EVC2: variants seen among roughly 807,000 people sequenced by gnomAD.
EVC2 encodes the protein limbin.
In EVC2, 148 loss-of-function variants were observed where a neutral mutation model predicts 149.3. That is an observed-to-expected ratio of 0.99 (90% CI 0.87 to 1.14). The LOEUF is 1.14. EVC2 is among the 50% of genes most tolerant of loss of function. The pLI, the probability that EVC2 is intolerant of heterozygous loss-of-function variation, is 0.00. For synonymous variants in EVC2, 776 were observed against 649.9 expected (o/e 1.19, Z -2.95); for missense variants, 1,854 against 1,627.3 (o/e 1.14, Z -2.40).
rs564736376 is a variant in EVC2, at chr4:5,592,245, G to T, written c.2830-7395C>A. 1.4e-3 allele frequency among the ~76,000 whole-genome samples: 220 copies of T among 152,290 alleles called. 1 individual carries two copies. Among genetic ancestry groups the T allele is most frequent in the African/African-American group, 4.7e-3 (196 of 41,564 alleles). ...AATTCATCACTTAAAAAACAGATAA[G>T]AGGGGCTTCCTACAGGAATGCTGGC... On this transcript the variant is annotated intron_variant, in intron 16 of 21. Transcript: ENST00000344408.
At chr4:5,531,961 A>C in the EVC2 span, among the ~76,000 whole-genome samples, 289 of 152,186 alleles carry the variant, frequency 1.9e-3, no homozygotes, top group African/African-American at 6.5e-3. Context: ...ATGATACATA[A>C]TACAGTGTAA....
rs529910760 is a variant in EVC2 at position 5,618,455 on chromosome 4, G to A, written c.2706+23C>T. ...GGGAGACGGCCCTGCTTCTGTAATC[G>A]GCCACTGACAGGTCCATCCTACCTG... On this transcript the variant is annotated intron_variant, in intron 15 of 21. Coordinates refer to ENST00000344408, the MANE Select transcript of EVC2 (RefSeq NM_147127.5). This position sits in a 1 kb window ranked among gnomAD's most constrained non-coding sequence, Gnocchi z 4.4. The A allele has an allele frequency of 1.2e-5, 19 of 1,612,046 alleles. No individual in the cohort carries two copies. The highest frequency in any genetic ancestry group is 1.1e-4 in the African/African-American group (8 of 74,964).
At chr4:5,610,577 A>C (rs1714733370) in intron 16 of EVC2, among the ~76,000 whole-genome samples, 1 of 152,024 alleles carries the variant, frequency 6.6e-6, no homozygotes, top group Non-Finnish European at 1.5e-5. Flanking sequence ...GTCTGCCCCA[A>C]ATGTAAACCA....
At chr4:5,675,685 C>G (rs1266213636) in intron 7 of EVC2, among the ~76,000 whole-genome samples, 3 of 152,140 alleles carry the variant, frequency 2.0e-5, no homozygotes, top group African/African-American at 7.2e-5. Context: ...TGGCTCATGC[C>G]TGTAATCCCA....
At chr4:5,674,215 G>C (rs1244377935) in intron 7 of EVC2, among the ~76,000 whole-genome samples, 1 of 152,154 alleles carries the variant, frequency 6.6e-6, no homozygotes, top group Non-Finnish European at 1.5e-5. Context: ...GCAAGAGTGA[G>C]ATCTCGAAGA....
intron 9 of EVC2, among the ~76,000 whole-genome samples, chr4:5,647,527 C>A (rs929481226): frequency 3.3e-5 from 5 of 152,192 alleles, no homozygotes; most frequent in Non-Finnish European, 5.9e-5. Flanking sequence ...GCAACGAGCG[C>A]TTTGCAGGTT....
At chr4:5,649,275 C>T (rs1291876509) in intron 9 of EVC2, among the ~76,000 whole-genome samples, 1 of 152,170 alleles carries the variant, frequency 6.6e-6, no homozygotes, top group African/African-American at 2.4e-5. Context: ...TTTCTCTGGC[C>T]AGTTTTGCTA....
intron 1 of EVC2, among the ~76,000 whole-genome samples, chr4:5,706,321 C>CATAGATAGATAGATACATAGATAGATAG (rs1722133727): frequency 3.8e-5 from 1 of 26,508 alleles, no homozygotes; most frequent in African/African-American, 1.6e-4. Context: ...TAGATAGATA[C>CATAGATAGATAGATACATAGATAGATAG]ATAGATAGAT....
chr4:5,665,534 T>A lies in EVC2; in HGVS notation c.986A>T (p.Asn329Ile). 1 of 1,614,118 alleles carries A rather than the reference T, an allele frequency of 6.2e-7. No individual in the cohort carries two copies. Reference sequence around the variant, plus strand: ...ACTCACCCGATGTCTGGTGAGCATGTTTCCCTTCAGACACTGATAGCGAAC... The same window carrying A: ...ACTCACCCGATGTCTGGTGAGCATGATTCCCTTCAGACACTGATAGCGAAC... ...LMVRYQCLKG[N>I]MLTRHRVWQY... Residue 329 changes from asparagine (N) to isoleucine (I), a missense_variant, in exon 8 of 22, where the codon AAC (asparagine) becomes ATC (isoleucine). Transcript: ENST00000344408.
At chr4:5,695,229 T>A (rs1253984991) in intron 2 of EVC2, among the ~76,000 whole-genome samples, 1 of 151,842 alleles carries the variant, frequency 6.6e-6, no homozygotes, top group Non-Finnish European at 1.5e-5. Context: ...GCGCCTGTAG[T>A]CCCAGCTATT....
In EVC2 at chr4:5,670,440, C is replaced by A. The variant is rs1719570035; in HGVS notation, c.871-4791G>T. On this transcript the variant is annotated intron_variant, in intron 7 of 21. Coordinates refer to ENST00000344408, the MANE Select transcript of EVC2 (RefSeq NM_147127.5). This position sits in a 1 kb window ranked among gnomAD's most constrained non-coding sequence, Gnocchi z 5.2. ...CCATCACCATCAACACCATTATGAT[C>A]AATATCAGCAGGATCACCATCAAAT... Among the ~76,000 whole-genome samples the A allele has an allele frequency of 6.6e-6, 1 of 151,884 alleles. No homozygotes were observed. The highest frequency in any genetic ancestry group is 1.5e-5 in the Non-Finnish European group (1 of 67,960).
intron 9 of EVC2, among the ~76,000 whole-genome samples, 172 bp downstream of exon 9, chr4:5,662,935 A>C (rs1163699592): frequency 6.6e-6 from 1 of 151,814 alleles, no homozygotes; most frequent in African/African-American, 2.4e-5. Flanking sequence ...TGTCATCTAC[A>C]CCTCTTTTCC....
rs377711797 is a variant in EVC2, at chr4:5,681,294, A to C, written c.836T>G (p.Val279Gly). Residue 279 changes from valine to glycine, a missense_variant, in exon 7 of 22, where the codon GTG (valine) becomes GGG (glycine). Transcript: ENST00000344408. ...SSSRNRTQLKVLFSITAEENV... is the reference protein window; with the variant it reads ...SSSRNRTQLKGLFSITAEENV... ...TTCTTCTGCTGTTATGGAAAAAAGC[A>C]CTTTCAGCTGTGTTCTGTTCTAGAA... The C allele has an allele frequency of 6.2e-7, 1 of 1,614,200 alleles. No homozygotes were observed. Among genetic ancestry groups the C allele is most frequent in the Admixed American group, 1.7e-5 (1 of 60,030 alleles).
intron 7 of EVC2, among the ~76,000 whole-genome samples, chr4:5,676,431 G>A (rs1030543274): frequency 2.6e-5 from 4 of 152,152 alleles, no homozygotes; most frequent in Admixed American, 6.5e-5. Context: ...AATGTCAGGG[G>A]TGCTGCCACC....
intron 9 of EVC2, among the ~76,000 whole-genome samples, chr4:5,654,074 C>T (rs1718333316): frequency 6.6e-6 from 1 of 152,108 alleles, no homozygotes; most frequent in Admixed American, 6.5e-5. Flanking sequence ...ATTAGCTGGG[C>T]GTGGTGGCGG....
exon 22 of EVC2, chr4:5,543,184 A>G: frequency 7.8e-7 from 1 of 1,289,844 alleles, no homozygotes; most frequent in Non-Finnish European, 1.0e-6. Context: ...CCTACCAGGT[A>G]CTGCCAGAAG....
chr4:5,666,237 G>A (rs772809630), intron 7 of EVC2, among the ~76,000 whole-genome samples: 1 of 138,934 alleles, frequency 7.2e-6, no homozygotes, highest in Non-Finnish European at 1.6e-5. Context: ...TATATATTTT[G>A]TTCTGCAACC....
At chr4:5,616,833 T>C (rs991650694) in intron 15 of EVC2, among the ~76,000 whole-genome samples, 1 of 152,292 alleles carries the variant, frequency 6.6e-6, no homozygotes, top group African/African-American at 2.4e-5. Context: ...CTGCCTCCTC[T>C]GAGGCAGTGG....
rs201477037 is a variant in EVC2 at position 5,576,498 on chromosome 4, G to A, written c.3058-44C>T. Reference sequence around the variant, plus strand: ...GAGGGTAAGCACCACTGCACAAGGCGGGTGGGGTGGAGGACAAAATCTGAC... The same window carrying A: ...GAGGGTAAGCACCACTGCACAAGGCAGGTGGGGTGGAGGACAAAATCTGAC... On this transcript the variant is annotated intron_variant, in intron 17 of 21. Transcript: ENST00000344408. The surrounding 1 kb of genome is among the most constrained non-coding windows in gnomAD (Gnocchi z 4.5). 126 of 1,545,006 alleles carry A rather than the reference G, an allele frequency of 8.2e-5. No homozygotes were observed. Among genetic ancestry groups the A allele is most frequent in the Middle Eastern group, 5.7e-4 (3 of 5,242 alleles).
Sources: allele counts gnomAD v4.1 joint callset (sites outside exome capture counted in the v4.1 genomes callset), GRCh38; gene constraint gnomAD v4.1.1; non-coding constraint Gnocchi (gnomAD v3.1); transcripts MANE v1.5; gene names NCBI Gene and HGNC (gene_info 2026-07-23, HGNC 2026-07-21).